SLC39A13: variants seen among roughly 807,000 people sequenced by gnomAD.
SLC39A13 encodes the protein solute carrier family 39 member 13, also known as zinc transporter ZIP13.
In SLC39A13, 18 loss-of-function variants were observed where a neutral mutation model predicts 38.7. The ratio of observed to expected loss-of-function variants is 0.47; its 90% CI spans 0.32 to 0.69. SLC39A13 has a LOEUF of 0.69. Among genes scored for constraint, SLC39A13 ranks in the 30% least tolerant of loss-of-function variants. SLC39A13 has a pLI of 0.03. For missense variants in SLC39A13, 395 were observed against 490.7 expected (o/e 0.80, Z 1.84); for synonymous variants, 212 against 219.1 (o/e 0.97, Z 0.29).
chr11:47,412,505 C>G (rs1411633308), intron 4 of SLC39A13, 38 bp downstream of exon 4: 1 of 1,613,628 alleles, frequency 6.2e-7, no homozygotes, highest in South Asian at 1.1e-5. Flanking sequence ...ATATCAGCCT[C>G]TGTTCTGTGG....
rs2096015373 is a variant in SLC39A13, at chr11:47,414,430, G to A, written c.741G>A (p.Gly247=). 5 of 1,610,558 alleles carry A rather than the reference G, an allele frequency of 3.1e-6. No individual in the cohort carries two copies. In the East Asian group the frequency reaches 1.1e-4, roughly 36 times the overall value. ...AASFLVSKKI[G]LLTTMAILLH... ...CACGGCTCCCCTCCCTGCAGATCGG[G>A]CTCCTGACAACCATGGCCATCCTCC... Residue 247 remains glycine (G), a synonymous_variant, in exon 7 of 10, where the codon GGG becomes GGA. Coordinates refer to ENST00000362021, the MANE Select transcript of SLC39A13 (RefSeq NM_001128225.3).
At position 47,415,548 on chromosome 11, in the gene SLC39A13, G is replaced by C; in HGVS notation, c.*185G>C. ...CATGTGGCCAGAGGTGTGTGCGCGA[G>C]ACCGACACTGTGATCCCTGTGCTGG... On this transcript the variant is annotated 3_prime_UTR_variant, in exon 10 of 10. Coordinates refer to ENST00000362021, the MANE Select transcript of SLC39A13 (RefSeq NM_001128225.3). 1.4e-6 allele frequency: 1 copy of C among 703,916 alleles called. No individual in the cohort carries two copies. The highest frequency in any genetic ancestry group is 2.5e-6 in the Non-Finnish European group (1 of 397,944). 43.6% of individuals were successfully genotyped at this position (703,916 alleles called of 1,614,324 possible).
upstream of SLC39A13, among the ~76,000 whole-genome samples, chr11:47,407,830 A>G (rs1000158256): frequency 1.3e-5 from 2 of 152,206 alleles, no homozygotes. Flanking sequence ...TTGCGGTTAT[A>G]AGAACTGCTA....
At chr11:47,410,511 G>A (rs1595878448) in intron 2 of SLC39A13, 116 bp downstream of exon 2, 1 of 1,360,330 alleles carries the variant, frequency 7.4e-7, no homozygotes, top group East Asian at 2.4e-5. Context: ...GGATAGAATA[G>A]AACTTCTCCC....
At chr11:47,407,527 T>C (rs1278397528), upstream of SLC39A13, 1 of 152,364 alleles carries the variant, frequency 6.6e-6, no homozygotes, top group South Asian at 2.1e-4. Context: ...TCGCTATCTC[T>C]GCCCAAGTGA....
At position 47,415,500 on chromosome 11, in the gene SLC39A13, CGT is replaced by C. The variant is rs1331687579; in HGVS notation, c.*141_*142del. On this transcript the variant is annotated 3_prime_UTR_variant, in exon 10 of 10. Transcript: ENST00000362021. ...CCTCCCGCCAGACAGGAGGGAGGTGCGTGTGGATGTATGTGGTGTGCACATGT... is the reference window on the plus strand; with the variant it reads ...CCTCCCGCCAGACAGGAGGGAGGTGCGTGGATGTATGTGGTGTGCACATGT... The C allele has an allele frequency of 9.5e-6, 9 of 951,430 alleles. No homozygotes were observed. Among genetic ancestry groups the C allele is most frequent in the Non-Finnish European group, 1.5e-5 (9 of 603,736 alleles). The allele number at this position is 951,430 out of a possible 1,614,324, so 58.9% of individuals were successfully genotyped here. A position where few individuals can be genotyped will look rare whatever the true frequency, so the allele number is the denominator to read the frequency against.
chr11:47,412,240 T>C (rs2096003272), intron 3 of SLC39A13, 106 bp from the exon 4 acceptor site: 6 of 1,473,606 alleles, frequency 4.1e-6, no homozygotes, highest in Non-Finnish European at 5.5e-6. Flanking sequence ...CAACCCACCC[T>C]TGTCACTGCC....
chr11:47,415,902 A>G lies in SLC39A13; in HGVS notation c.*539A>G. 4.8e-6 allele frequency: 1 copy of G among 210,112 alleles called. No homozygotes were observed. Among genetic ancestry groups the G allele is most frequent in the Non-Finnish European group, 9.8e-6 (1 of 102,198 alleles). 13.0% of individuals were successfully genotyped at this position (210,112 alleles called of 1,614,324 possible). A position where few individuals can be genotyped will look rare whatever the true frequency, so the allele number is the denominator to read the frequency against. On this transcript the variant is annotated 3_prime_UTR_variant, in exon 10 of 10. Transcript: ENST00000362021. ...AGAAAGGAGAGGCAGGTGCTCCTGT[A>G]CCCCAGCCCCACTCAGCACTGACAG...
intron 1 of SLC39A13, chr11:47,409,780 C>T (rs562385534): frequency 3.0e-4 from 106 of 350,414 alleles, no homozygotes; most frequent in Middle Eastern, 1.8e-3. Flanking sequence ...CGGGCCGTGC[C>T]GCCGGTGGCT....
Position 47,412,543 on chromosome 11 carries a change from TC to T in SLC39A13, c.537+77del, listed in dbSNP as rs1282826250. On this transcript the variant is annotated intron_variant, in intron 4 of 9. Transcript: ENST00000362021. The stretch of plus-strand genomic sequence containing the variant: ...GTGCCCGGGGCCTGGAGGCCCAGGG[TC>T]TGAGTTGAGCCCTGAAAAGAGGGGT... 4.3e-5 allele frequency: 69 copies of T among 1,607,106 alleles called. 1 individual carries two copies. The highest frequency in any genetic ancestry group is 1.9e-5 in the Non-Finnish European group (22 of 1,176,410).
rs1339048798 is a variant in SLC39A13 at position 47,413,487 on chromosome 11, G to T, written c.625G>T (p.Ala209Ser). ...AQPAAEPGLG[A>S]VVRSIKVSGY... ...GCCGGCTGCAGAGCCCGGCCTCGGT[G>T]CCGTGGTCCGGAGCATCAAAGTGAG... Residue 209 changes from alanine to serine, a missense_variant, in exon 5 of 10, where the codon GCC (alanine) becomes TCC (serine). By Grantham distance (99) the Ala-to-Ser change is moderately conservative (BLOSUM62 1). Coordinates refer to ENST00000362021, the MANE Select transcript of SLC39A13 (RefSeq NM_001128225.3). The T allele has an allele frequency of 6.2e-7, 1 of 1,614,060 alleles. No individual in the cohort carries two copies. The highest frequency in any genetic ancestry group is 1.7e-5 in the Admixed American group (1 of 60,008).
intron 9 of SLC39A13, 30 bp downstream of exon 9, chr11:47,415,189 C>T (rs2096020733): frequency 1.2e-6 from 2 of 1,611,692 alleles, no homozygotes; most frequent in East Asian, 4.5e-5. Context: ...AAGAGGACTG[C>T]CACTCACAGG....
chr11:47,411,600 A>G (rs1265823812), intron 2 of SLC39A13, among the ~76,000 whole-genome samples: 2 of 152,320 alleles, frequency 1.3e-5, no homozygotes, highest in South Asian at 2.1e-4. Flanking sequence ...GCGAGACTCC[A>G]TCTCAAAACA....
Position 47,416,303 on chromosome 11 carries a change from A to G in SLC39A13, c.*940A>G, listed in dbSNP as rs2096027685. The stretch of plus-strand genomic sequence containing the variant: ...AGTGCTGAAGCCATAATCCCCAACC[A>G]TTTCCCTTGGCTGACGCCCAGGTAC... On this transcript the variant is annotated 3_prime_UTR_variant, in exon 10 of 10. Transcript: ENST00000362021. 6.6e-6 allele frequency: 1 copy of G among 152,444 alleles called. No homozygotes were observed. Among genetic ancestry groups the G allele is most frequent in the Admixed American group, 6.6e-5 (1 of 15,256 alleles). The allele number at this position is 152,444 out of a possible 1,614,324, so 9.4% of individuals were successfully genotyped here.
intron 1 of SLC39A13, 153 bp from the exon 2 acceptor site, chr11:47,409,934 T>G: frequency 1.2e-6 from 1 of 828,398 alleles, no homozygotes; most frequent in Non-Finnish European, 1.9e-6. Context: ...CCCATTGCTG[T>G]GCACCCAGCA....
intron 6 of SLC39A13, chr11:47,414,024 C>T: frequency 4.7e-6 from 3 of 640,826 alleles, no homozygotes; most frequent in Non-Finnish European, 8.4e-6. Context: ...AGATCTTTCC[C>T]ACCTCACACT....
intron 9 of SLC39A13, 21 bp downstream of exon 9, chr11:47,415,180 A>G: frequency 6.2e-7 from 1 of 1,611,606 alleles, no homozygotes; most frequent in Non-Finnish European, 8.5e-7. Flanking sequence ...TGTTGGAGGA[A>G]GAGGACTGCC....
In SLC39A13 at chr11:47,411,937, C is replaced by T. The variant is rs374468349; in HGVS notation, c.313C>T (p.Arg105Cys). Reference protein sequence around the residue: ...TMLRSEAGAWRLKQLLSFALG... With the variant: ...TMLRSEAGAWCLKQLLSFALG... ...TCTCTCCCTTGTAGCTGGGGCCTGGCGCCTGAAGCAGCTGCTCAGCTTCGC... is the reference window on the plus strand; with the variant it reads ...TCTCTCCCTTGTAGCTGGGGCCTGGTGCCTGAAGCAGCTGCTCAGCTTCGC... The change falls in exon 3 of 10, where the codon CGC (arginine) becomes TGC (cysteine). Residue 105 changes from arginine to cysteine, a missense_variant. Transcript: ENST00000362021. The T allele has an allele frequency of 1.1e-5, 17 of 1,613,140 alleles. No homozygotes were observed. The highest frequency in any genetic ancestry group is 8.3e-5 in the Admixed American group (5 of 59,940).
At chr11:47,409,204 G>A (rs1294921956) in intron 1 of SLC39A13, 2 of 152,308 alleles carry the variant, frequency 1.3e-5, no homozygotes, top group East Asian at 1.9e-4. Flanking sequence ...CCTCATGCCC[G>A]AGTTTCCAGA....
Sources: allele counts gnomAD v4.1 joint callset (sites outside exome capture counted in the v4.1 genomes callset), GRCh38; gene constraint gnomAD v4.1.1; transcripts MANE v1.5; gene names NCBI Gene and HGNC (gene_info 2026-07-23, HGNC 2026-07-21).